UNC13B: variants seen among roughly 807,000 people sequenced by gnomAD.
The protein encoded by UNC13B is unc-13 homolog B.
In UNC13B, 144 loss-of-function variants were observed where a neutral mutation model predicts 211.0. The ratio of observed to expected loss-of-function variants is 0.68; its 90% CI spans 0.60 to 0.78. The LOEUF is 0.78. Ranked by LOEUF, UNC13B falls within the 30% of genes least tolerant of loss-of-function variation. The pLI, the probability that UNC13B is intolerant of heterozygous loss-of-function variation, is 0.00. For synonymous variants in UNC13B, 709 were observed against 725.8 expected (o/e 0.98, Z 0.37); for missense variants, 1,777 against 2,002.0 (o/e 0.89, Z 2.14).
intron 7 of UNC13B, among the ~76,000 whole-genome samples, chr9:35,287,953 T>C (rs1828888936): frequency 6.6e-6 from 1 of 152,146 alleles, no homozygotes; most frequent in Non-Finnish European, 1.5e-5. Context: ...TGTTGTATTT[T>C]TTTCTCGGTG....
chr9:35,173,590 A>AT, intron 1 of UNC13B, among the ~76,000 whole-genome samples: 1 of 151,926 alleles, frequency 6.6e-6, no homozygotes, highest in Non-Finnish European at 1.5e-5. Flanking sequence ...TGCCCGGCTA[A>AT]TTTTTTTATT....
At position 35,381,605 on chromosome 9, in the gene UNC13B, T is replaced by A. The variant is rs1475070503; in HGVS notation, c.10541T>A (p.Ile3514Asn). Residue 3514 changes from isoleucine (I) to asparagine (N), a missense_variant, in exon 20 of 40, where the codon ATC (isoleucine) becomes AAC (asparagine). Coordinates refer to ENST00000635942, the MANE Select transcript of UNC13B (RefSeq NM_001371189.2). ...TDIQGSGGVR[I>N]PEARGDDAWK... Reference sequence around the variant, plus strand: ...ATTCAGGGCAGTGGAGGAGTCCGCATCCCTGAAGCTCGAGGAGACGATGCC... The same window carrying A: ...ATTCAGGGCAGTGGAGGAGTCCGCAACCCTGAAGCTCGAGGAGACGATGCC... 2.5e-6 allele frequency: 4 copies of A among 1,614,102 alleles called. No homozygotes were observed. Among genetic ancestry groups the A allele is most frequent in the African/African-American group, 1.3e-5 (1 of 74,934 alleles).
intron 21 of UNC13B, among the ~76,000 whole-genome samples, chr9:35,383,294 T>C (rs1834979631): frequency 6.6e-6 from 1 of 152,238 alleles, no homozygotes; most frequent in African/African-American, 2.4e-5. Context: ...TTAAGGTACC[T>C]GAGAAGTTGA....
At chr9:35,342,887 G>A (rs1455782558) in intron 11 of UNC13B, among the ~76,000 whole-genome samples, 1 of 152,094 alleles carries the variant, frequency 6.6e-6, no homozygotes, top group Non-Finnish European at 1.5e-5. Flanking sequence ...TCCTGTATGT[G>A]TATATGTGAG....
chr9:35,222,930 A>G (rs1047856564), intron 1 of UNC13B, among the ~76,000 whole-genome samples: 3 of 152,144 alleles, frequency 2.0e-5, no homozygotes, highest in South Asian at 2.1e-4. Context: ...TAGCTCTCAC[A>G]TGAGTGAGAA....
chr9:35,215,727 G>A (rs569364248), intron 1 of UNC13B, among the ~76,000 whole-genome samples: 16 of 152,240 alleles, frequency 1.1e-4, no homozygotes, highest in African/African-American at 3.6e-4. Context: ...GACAAAATGA[G>A]CAATTTTTTT....
chr9:35,385,641 G>A, intron 22 of UNC13B, 83 bp from the exon 23 acceptor site: 1 of 1,486,222 alleles, frequency 6.7e-7, no homozygotes, highest in Non-Finnish European at 9.0e-7. Context: ...AACAATTAGG[G>A]AAGCTTTTGA....
At position 35,307,072 on chromosome 9, in the gene UNC13B, A is replaced by G; in HGVS notation, c.7668A>G (p.Thr2556=). 2.5e-6 allele frequency: 1 copy of G among 399,054 alleles called. No homozygotes were observed. 24.7% of individuals were successfully genotyped at this position (399,054 alleles called of 1,614,324 possible). The change falls in exon 9 of 40, where the codon ACA becomes ACG. Residue 2556 remains threonine (T), a synonymous_variant. Coordinates refer to ENST00000635942, the MANE Select transcript of UNC13B (RefSeq NM_001371189.2). ...CAGAAAGGAGAGAAGCTGCCTTTAC[A>G]GCACTAAGTTCAGAATCTACTCTCA... is the stretch of plus-strand genomic sequence containing the variant. ...VPPERREAAF[T]ALSSESTLSD...
At chr9:35,396,157 C>G (rs576242138) in intron 26 of UNC13B, among the ~76,000 whole-genome samples, 2 of 152,296 alleles carry the variant, frequency 1.3e-5, no homozygotes, top group African/African-American at 4.8e-5. Flanking sequence ...GCATCAGCAC[C>G]CATGGCCCTT....
chr9:35,290,647 C>T (rs1213992775), intron 7 of UNC13B, among the ~76,000 whole-genome samples: 1 of 151,284 alleles, frequency 6.6e-6, no homozygotes, highest in Non-Finnish European at 1.5e-5. Context: ...GTGATGGGCT[C>T]AGGTTTGGTG....
At chr9:35,400,167 G>A (rs1197881548) in intron 36 of UNC13B, 129 bp from the exon 37 acceptor site, 6 of 1,320,672 alleles carry the variant, frequency 4.5e-6, no homozygotes, top group Non-Finnish European at 6.2e-6. Context: ...AAGAGCCTAT[G>A]CTCTGGTTCT....
chr9:35,283,986 G>T (rs187665132), intron 7 of UNC13B, among the ~76,000 whole-genome samples: 1 of 152,154 alleles, frequency 6.6e-6, no homozygotes, highest in African/African-American at 2.4e-5. Context: ...CAGGCCGGGC[G>T]TGGTGTTTCA....
intron 11 of UNC13B, among the ~76,000 whole-genome samples, chr9:35,337,616 C>T (rs970313788): frequency 1.3e-5 from 2 of 152,212 alleles, no homozygotes; most frequent in Non-Finnish European, 2.9e-5. Flanking sequence ...TGTACATTAG[C>T]TACCTTCCTG....
chr9:35,403,580 T>A lies in UNC13B; in HGVS notation c.12718T>A (p.Tyr4240Asn). 1 of 1,544,264 alleles carries A rather than the reference T, an allele frequency of 6.5e-7. No individual in the cohort carries two copies. The highest frequency in any genetic ancestry group is 8.7e-7 in the Non-Finnish European group (1 of 1,144,474). ...KSKSNNWAPK[Y>N]NETFHFLLGN... ...CAAAAGCAACAACTGGGCCCCCAAG[T>A]ACAATGAGACATTCCACTTGTAAGT... Residue 4240 changes from tyrosine to asparagine, a missense_variant, in exon 39 of 40, where the codon TAC becomes AAC. Physicochemically the swap from Tyr to Asn is moderately radical, Grantham distance 143. Coordinates refer to ENST00000635942, the MANE Select transcript of UNC13B (RefSeq NM_001371189.2).
rs1829840712 is a variant in UNC13B, at chr9:35,304,605, A to G, written c.5201A>G (p.Asn1734Ser). ...EEVTTLVHPENMTKGSQQAEE... is the reference protein window; with the variant it reads ...EEVTTLVHPESMTKGSQQAEE... ...GTTACCACTTTGGTTCATCCTGAAA[A>G]TATGACTAAAGGCTCACAACAAGCA... Residue 1734 changes from asparagine (N) to serine (S), a missense_variant, in exon 9 of 40, where the codon AAT becomes AGT. Physicochemically the swap from Asn to Ser is conservative, Grantham distance 46. Coordinates refer to ENST00000635942, the MANE Select transcript of UNC13B (RefSeq NM_001371189.2). 1 of 398,658 alleles carries G rather than the reference A, an allele frequency of 2.5e-6. No homozygotes were observed. Among genetic ancestry groups the G allele is most frequent in the South Asian group, 1.3e-4 (1 of 7,846 alleles). 24.7% of individuals were successfully genotyped at this position (398,658 alleles called of 1,614,324 possible).
At chr9:35,203,745 C>G (rs959754668) in intron 1 of UNC13B, among the ~76,000 whole-genome samples, 35 of 152,130 alleles carry the variant, frequency 2.3e-4, no homozygotes, top group Non-Finnish European at 4.7e-4. Flanking sequence ...AAGGAAATGA[C>G]CTGAAACTGG....
At chr9:35,262,351 C>T (rs1160962307) in intron 7 of UNC13B, among the ~76,000 whole-genome samples, 1 of 151,534 alleles carries the variant, frequency 6.6e-6, no homozygotes, top group African/African-American at 2.4e-5. Context: ...GAGTCTTGCT[C>T]CATCATCCAG....
intron 1 of UNC13B, among the ~76,000 whole-genome samples, chr9:35,198,176 G>C (rs1005490479): frequency 6.6e-6 from 1 of 151,984 alleles, no homozygotes; most frequent in Non-Finnish European, 1.5e-5. Context: ...GTAATCCCCA[G>C]TTTTGGAGGT....
At chr9:35,239,400 A>G (rs1282306954) in intron 5 of UNC13B, among the ~76,000 whole-genome samples, 1 of 152,162 alleles carries the variant, frequency 6.6e-6, no homozygotes, top group Admixed American at 6.5e-5. Flanking sequence ...AAGAGGAGGG[A>G]GTGTACGAAT....
Sources: allele counts gnomAD v4.1 joint callset (sites outside exome capture counted in the v4.1 genomes callset), GRCh38; gene constraint gnomAD v4.1.1; transcripts MANE v1.5; gene names NCBI Gene and HGNC (gene_info 2026-07-23, HGNC 2026-07-21).